HNRNPM: variants seen among roughly 807,000 people sequenced by gnomAD.
HNRNPM encodes the protein CEA receptor.
HNRNPM carries 11 observed loss-of-function variants against 73.1 expected under a neutral mutation model. The ratio of observed to expected loss-of-function variants is 0.15; its 90% confidence interval spans 0.09 to 0.25. The LOEUF is 0.25. Among genes scored for constraint, HNRNPM ranks in the 10% least tolerant of loss-of-function variants. The pLI is 1.00. For missense variants in HNRNPM, 789 were observed against 1,067.9 expected (o/e 0.74, Z 3.64); for synonymous variants, 407 against 355.2 (o/e 1.15, Z -1.64).
rs1474494588 is a variant in HNRNPM, at chr19:8,468,683, CCT to C, written c.835-86_835-85del. On this transcript the variant is annotated intron_variant, in intron 8 of 15. Transcript: ENST00000325495. Reference sequence around the variant, plus strand: ...GGCGTGGATAATGTGTTTAGCTGGTCCTCTCTTGATGGGGGGCCATTTCAGTC... The same window carrying C: ...GGCGTGGATAATGTGTTTAGCTGGTCCTCTTGATGGGGGGCCATTTCAGTC... The C allele has an allele frequency of 1.8e-4, 168 of 913,670 alleles. 1 individual carries two copies. The highest frequency in any genetic ancestry group is 1.7e-3 in the South Asian group (128 of 74,932). 56.6% of individuals were successfully genotyped at this position (913,670 alleles called of 1,614,324 possible).
rs373959369 is a variant in HNRNPM at position 8,486,225 on chromosome 19, C to G, written c.1797C>G (p.Ala599=). The change falls in exon 14 of 16, where the codon GCC becomes GCG. Residue 599 remains alanine, a synonymous_variant. Coordinates refer to ENST00000325495, the MANE Select transcript of HNRNPM (RefSeq NM_005968.5). ...LERMGPAMGP[A]LGAGIERMGL... is the part of the protein sequence containing the mutation. The stretch of plus-strand genomic sequence containing the variant: ...GCATGGGCCCTGCCATGGGCCCGGC[C>G]CTGGGCGCTGGCATTGAGCGCATGG... The G allele has an allele frequency of 5.7e-6, 9 of 1,591,178 alleles. No individual in the cohort carries two copies. The highest frequency in any genetic ancestry group is 6.8e-6 in the Non-Finnish European group (8 of 1,169,824).
At chr19:8,464,508 C>T (rs1969607907) in intron 5 of HNRNPM, among the ~76,000 whole-genome samples, 1 of 150,920 alleles carries the variant, frequency 6.6e-6, no homozygotes, top group East Asian at 2.0e-4. Flanking sequence ...TGGGGGGTGC[C>T]TGTAATCCAT....
intron 12 of HNRNPM, among the ~76,000 whole-genome samples, chr19:8,476,434 G>A (rs77391125): frequency 1.3e-5 from 2 of 152,138 alleles, no homozygotes. Context: ...GGTCATGCAG[G>A]TTCCCAGGAC....
chr19:8,466,733 C>A (rs1168663511), intron 7 of HNRNPM, among the ~76,000 whole-genome samples: 1 of 139,018 alleles, frequency 7.2e-6, no homozygotes, highest in African/African-American at 2.7e-5. Context: ...GGCTGAGGCA[C>A]AAGAATCGCT....
chr19:8,467,438 G>C, intron 7 of HNRNPM, 97 bp from the exon 8 acceptor site: 1 of 813,792 alleles, frequency 1.2e-6, no homozygotes, highest in African/African-American at 1.7e-5. Flanking sequence ...TCATCACTTA[G>C]AGGGACTGGT....
intron 13 of HNRNPM, 81 bp downstream of exon 13, chr19:8,483,292 G>A (rs951412163): frequency 7.5e-6 from 8 of 1,062,778 alleles, no homozygotes; most frequent in African/African-American, 1.6e-5. Flanking sequence ...GTGGTGAGAA[G>A]TGCGGGTTCT....
intron 13 of HNRNPM, among the ~76,000 whole-genome samples, chr19:8,484,542 G>C (rs904798537): frequency 6.6e-6 from 1 of 152,256 alleles, no homozygotes; most frequent in Non-Finnish European, 1.5e-5. Flanking sequence ...CTGTGGGGAA[G>C]TTCTGAGACG....
chr19:8,463,757 G>A (rs1969551344), intron 5 of HNRNPM, 71 bp downstream of exon 5: 1 of 1,041,538 alleles, frequency 9.6e-7, no homozygotes, highest in African/African-American at 1.6e-5. Flanking sequence ...ATTAGGGAAA[G>A]ACGGTCATGG....
chr19:8,463,565 C>G (rs781553251), intron 4 of HNRNPM, 28 bp from the exon 5 acceptor site: 1 of 1,612,428 alleles, frequency 6.2e-7, no homozygotes, highest in Non-Finnish European at 8.5e-7. Flanking sequence ...ACTGGTTTCA[C>G]TCGACTCGTT....
chr19:8,469,794 G>A (rs76226014), intron 9 of HNRNPM, among the ~76,000 whole-genome samples: 32,100 of 152,194 alleles, frequency 0.21, 4,268 homozygotes, highest in South Asian at 0.29. Flanking sequence ...GCGGGTTGAG[G>A]GGGCCTGGTC....
intron 2 of HNRNPM, among the ~76,000 whole-genome samples, chr19:8,456,433 T>G (rs1262405960): frequency 6.6e-6 from 1 of 152,198 alleles, no homozygotes; most frequent in East Asian, 1.9e-4. Flanking sequence ...GACAACACCG[T>G]GGTAGAGAAC....
rs1169710280 is a variant in HNRNPM at position 8,462,662 on chromosome 19, C to G, written c.336+81C>G. 1.7e-6 allele frequency: 2 copies of G among 1,170,600 alleles called. No homozygotes were observed. Among genetic ancestry groups the G allele is most frequent in the Non-Finnish European group, 2.6e-6 (2 of 775,758 alleles). 72.5% of individuals were successfully genotyped at this position (1,170,600 alleles called of 1,614,324 possible). A position where few individuals can be genotyped will look rare whatever the true frequency, so the allele number is the denominator to read the frequency against. ...ATGGTGGCGTGGAATCGAATGAAAT[C>G]AGGAAGGCAGTGAGTGCTCATGTTA... On this transcript the variant is annotated intron_variant, in intron 3 of 15. Coordinates refer to ENST00000325495, the MANE Select transcript of HNRNPM (RefSeq NM_005968.5). The surrounding 1 kb of genome is among the most constrained non-coding windows in gnomAD (Gnocchi z 4.5).
intron 9 of HNRNPM, among the ~76,000 whole-genome samples, chr19:8,471,082 T>A (rs1382880484): frequency 6.6e-6 from 1 of 151,716 alleles, no homozygotes; most frequent in African/African-American, 2.4e-5. Flanking sequence ...AGTGTGGGGG[T>A]TGTTAACTTT....
At chr19:8,458,528 C>G (rs1969177661) in intron 2 of HNRNPM, among the ~76,000 whole-genome samples, 1 of 152,214 alleles carries the variant, frequency 6.6e-6, no homozygotes, top group African/African-American at 2.4e-5. Flanking sequence ...CACCAGGCAG[C>G]CGGCAGCACC....
intron 3 of HNRNPM, 49 bp from the exon 4 acceptor site, chr19:8,463,448 C>A (rs769107430): frequency 6.9e-6 from 11 of 1,597,658 alleles, no homozygotes; most frequent in Non-Finnish European, 9.4e-6. Context: ...TTTTTCTTTT[C>A]TTTTTCCCCT....
At chr19:8,465,258 A>G (rs374363274) in intron 5 of HNRNPM, 66 bp from the exon 6 acceptor site, 1 of 1,220,418 alleles carries the variant, frequency 8.2e-7, no homozygotes, top group African/African-American at 1.5e-5. Flanking sequence ...AATATCATTT[A>G]CTGTGCAAGC....
At chr19:8,468,697 G>T in intron 8 of HNRNPM, 77 bp from the exon 9 acceptor site, 1 of 1,066,642 alleles carries the variant, frequency 9.4e-7, no homozygotes, top group Non-Finnish European at 1.5e-6. Context: ...TCTTGATGGG[G>T]GGCCATTTCA....
chr19:8,467,728 A>G, intron 8 of HNRNPM, 144 bp downstream of exon 8: 1 of 700,290 alleles, frequency 1.4e-6, no homozygotes, highest in African/African-American at 1.8e-5. Context: ...AAATTGTGAG[A>G]GAAATAACAT....
rs746994177 is a variant in HNRNPM at position 8,473,751 on chromosome 19, C to T, written c.1042+43C>T. The T allele has an allele frequency of 6.1e-6, 7 of 1,155,226 alleles. No homozygotes were observed. In the South Asian group the frequency reaches 9.1e-5, roughly 15 times the overall value. 71.6% of individuals were successfully genotyped at this position (1,155,226 alleles called of 1,614,324 possible). On this transcript the variant is annotated intron_variant, in intron 11 of 15. Coordinates refer to ENST00000325495, the MANE Select transcript of HNRNPM (RefSeq NM_005968.5). ...AAGTACAAGCATAATCACTTTTAGGCATAGTTTTCTCTCTTTCCTCTTTTC... is the reference window on the plus strand; with the variant it reads ...AAGTACAAGCATAATCACTTTTAGGTATAGTTTTCTCTCTTTCCTCTTTTC...
Sources: gnomAD v4.1 joint callset for allele counts (sites outside exome capture counted in the v4.1 genomes callset) on GRCh38, gnomAD v4.1.1 for gene constraint, Gnocchi (gnomAD v3.1) non-coding constraint, MANE v1.5 for transcripts, NCBI Gene and HGNC (gene_info 2026-07-23, HGNC 2026-07-21) for gene names.